Variants in CELF5 observed in about 807,000 individuals in gnomAD.
The protein encoded by CELF5 is CUG-BP and ETR-3 like factor 5.
A neutral mutation model predicts 54.9 loss-of-function variants in CELF5; 6 were observed. The observed-to-expected ratio is 0.11, with a 90% CI of 0.06 to 0.22. The LOEUF (loss-of-function observed/expected upper bound fraction) is 0.22. Among genes scored for constraint, CELF5 ranks in the 10% least tolerant of loss-of-function variants. The probability of loss-of-function intolerance (pLI) is 1.00; values close to 1 mark genes in which losing one functional copy is unlikely to be tolerated. For missense variants in CELF5, 401 were observed against 678.6 expected, an observed-to-expected ratio of 0.59 and a Z score of 4.54; for synonymous variants, 271 against 290.9, an observed-to-expected ratio of 0.93 and a Z score of 0.70.
chr19:3,226,440 TCA>T (rs71164666), intron 1 of CELF5, among the ~76,000 whole-genome samples: 65 of 118,962 alleles, frequency 5.5e-4, no homozygotes, highest in Middle Eastern at 8.8e-3. Flanking sequence ...AAACCAACCA[TCA>T]CACACACACA....
intron 1 of CELF5, among the ~76,000 whole-genome samples, chr19:3,226,893 C>G (rs1193509681): frequency 1.3e-5 from 2 of 151,958 alleles, no homozygotes; most frequent in African/African-American, 4.8e-5. Context: ...CTGCTGTCAA[C>G]AGAGCAGGAC....
At chr19:3,272,200 T>C (rs2079977425) in intron 2 of CELF5, among the ~76,000 whole-genome samples, 1 of 151,800 alleles carries the variant, frequency 6.6e-6, no homozygotes. Context: ...ACCCCATCTC[T>C]ACTAAAAATA....
chr19:3,232,922 A>G (rs1469593193), intron 1 of CELF5, among the ~76,000 whole-genome samples: 1 of 151,886 alleles, frequency 6.6e-6, no homozygotes, highest in Non-Finnish European at 1.5e-5. Flanking sequence ...TAAAAATACA[A>G]AATTAGCCGG....
At chr19:3,241,134 T>C (rs1369411748) in intron 1 of CELF5, among the ~76,000 whole-genome samples, 1 of 151,204 alleles carries the variant, frequency 6.6e-6, no homozygotes, top group East Asian at 1.9e-4. Context: ...CCATCTTGGC[T>C]CACTGCACCC....
At chr19:3,234,726 A>G (rs1219387937) in intron 1 of CELF5, among the ~76,000 whole-genome samples, 6 of 151,960 alleles carry the variant, frequency 3.9e-5, no homozygotes, top group African/African-American at 1.5e-4. Context: ...TCACAACAAC[A>G]ACCGCACCTC....
Position 3,228,267 on chromosome 19 carries a change from C to T in CELF5, c.259+3269C>T. 6.6e-6 allele frequency among the ~76,000 whole-genome samples: 1 copy of T among 152,112 alleles called. No individual in the cohort carries two copies. The highest frequency in any genetic ancestry group is 1.5e-5 in the Non-Finnish European group (1 of 68,012). On this transcript the variant is annotated intron_variant, in intron 1 of 12. Coordinates refer to ENST00000292672, the MANE Select transcript of CELF5 (RefSeq NM_021938.4). This position sits in a 1 kb window ranked among gnomAD's most constrained non-coding sequence, Gnocchi z 6.0. ...CCACAGGAAGACCACAAGCCTGCTCCTGCCAGAACTCCGCATCCAGAGAGC... is the reference window on the plus strand; with the variant it reads ...CCACAGGAAGACCACAAGCCTGCTCTTGCCAGAACTCCGCATCCAGAGAGC...
At chr19:3,262,771 T>G (rs867247539) in intron 2 of CELF5, among the ~76,000 whole-genome samples, 5 of 151,586 alleles carry the variant, frequency 3.3e-5, no homozygotes, top group East Asian at 3.9e-4. Context: ...GAAATCCATC[T>G]CTACTAAAAA....
chr19:3,245,522 C>T (rs1184528953), intron 1 of CELF5, among the ~76,000 whole-genome samples: 2 of 151,038 alleles, frequency 1.3e-5, no homozygotes, highest in Non-Finnish European at 2.9e-5. Context: ...ACTCCCTAGC[C>T]TCCTAGGGCC....
chr19:3,284,623 C>G (rs1374143097), intron 8 of CELF5: 1 of 480,744 alleles, frequency 2.1e-6, no homozygotes, highest in Non-Finnish European at 3.8e-6. Flanking sequence ...GGGAGGCAAC[C>G]GGGTCGGGAT....
Position 3,259,778 on chromosome 19 carries a change from G to A in CELF5, c.342+8711G>A, listed in dbSNP as rs1485915918. Among the ~76,000 whole-genome samples, 4 of 151,622 alleles carry A rather than the reference G, an allele frequency of 2.6e-5. No homozygotes were observed. In the East Asian group the frequency reaches 7.8e-4, roughly 30 times the overall value. The stretch of plus-strand genomic sequence containing the variant: ...GGAACATTTACGGTTGTCACGACGT[G>A]GGGGTGCTGCTGGCATGGAGTGGGT... On this transcript the variant is annotated intron_variant, in intron 2 of 12. Transcript: ENST00000292672.
chr19:3,285,489 A>C, intron 9 of CELF5, among the ~76,000 whole-genome samples: 1 of 116,072 alleles, frequency 8.6e-6, no homozygotes, highest in African/African-American at 3.4e-5. Context: ...ATAGCCCTCC[A>C]TCAAGTCACG....
At chr19:3,273,805 G>C in intron 2 of CELF5, 67 bp from the exon 3 acceptor site, 1 of 1,188,796 alleles carries the variant, frequency 8.4e-7, no homozygotes, top group Middle Eastern at 2.2e-4. Context: ...CAGAGCTCAG[G>C]CAAAACCCCC....
intron 1 of CELF5, 145 bp downstream of exon 1, chr19:3,225,143 C>G: frequency 2.2e-6 from 1 of 449,262 alleles, no homozygotes; most frequent in Admixed American, 5.1e-5. Context: ...CTTACCCCCT[C>G]CCTCCCACCC....
At chr19:3,255,969 G>T (rs145558663) in intron 2 of CELF5, among the ~76,000 whole-genome samples, 2,418 of 150,748 alleles carry the variant, frequency 0.016, 62 homozygotes, top group African/African-American at 0.056. Context: ...GGAGGCTGAG[G>T]CAGGAGAATC....
In CELF5 at chr19:3,251,040, C is replaced by T; in HGVS notation, c.315C>T (p.Ala105=). ...ATTCCGCCATCAAAGCTCAGACTGC[C>T]CTGCACGAGCAGAAGACCTTGCCCG... ...ARDSAIKAQT[A]LHEQKTLPGM... Residue 105 remains alanine, a synonymous_variant, in exon 2 of 13, where the codon GCC becomes GCT. Coordinates refer to ENST00000292672, the MANE Select transcript of CELF5 (RefSeq NM_021938.4). 6.2e-7 allele frequency: 1 copy of T among 1,614,026 alleles called. No individual in the cohort carries two copies. The highest frequency in any genetic ancestry group is 8.5e-7 in the Non-Finnish European group (1 of 1,179,952).
intron 1 of CELF5, among the ~76,000 whole-genome samples, chr19:3,235,450 T>A (rs1395386815): frequency 2.4e-5 from 3 of 122,846 alleles, no homozygotes; most frequent in African/African-American, 9.0e-5. Flanking sequence ...TACTGCTGTG[T>A]CACCAGTGCC....
chr19:3,274,605 T>G (rs949962677), intron 3 of CELF5, among the ~76,000 whole-genome samples: 1 of 152,150 alleles, frequency 6.6e-6, no homozygotes. Context: ...TGGACCTTGG[T>G]GTCAGGGTGT....
intron 1 of CELF5, among the ~76,000 whole-genome samples, chr19:3,241,650 T>G (rs1476056975): frequency 6.6e-6 from 1 of 151,996 alleles, no homozygotes; most frequent in Non-Finnish European, 1.5e-5. Context: ...AGGCTGAGGC[T>G]TCCTTCAGGG....
intron 1 of CELF5, among the ~76,000 whole-genome samples, chr19:3,245,344 TTGTG>T (rs1185169863): frequency 1.4e-5 from 2 of 140,778 alleles, no homozygotes; most frequent in African/African-American, 2.6e-5. Flanking sequence ...GTGCGTGTGT[TTGTG>T]TGCATGCATC....
Sources: gnomAD v4.1 joint callset for allele counts (sites outside exome capture counted in the v4.1 genomes callset) on GRCh38, gnomAD v4.1.1 for gene constraint, Gnocchi (gnomAD v3.1) non-coding constraint, MANE v1.5 for transcripts, NCBI Gene and HGNC (gene_info 2026-07-23, HGNC 2026-07-21) for gene names.